Variants in VTI1A observed in about 807,000 individuals in gnomAD.
The protein encoded by VTI1A is vesicle transport through interaction with t-SNAREs homolog 1A.
VTI1A carries 22 observed loss-of-function variants against 34.9 expected under a neutral mutation model. The observed-to-expected ratio is 0.63, with a 90% confidence interval of 0.45 to 0.90. The LOEUF is 0.90. VTI1A is among the 40% of genes least tolerant of loss of function. VTI1A has a pLI of 0.00. For missense variants in VTI1A, 268 were observed against 275.6 expected (o/e 0.97, Z 0.20); for synonymous variants, 87 against 97.3 (o/e 0.89, Z 0.62).
At chr10:112,792,404 T>G (rs934989529) in intron 7 of VTI1A, among the ~76,000 whole-genome samples, 3 of 152,138 alleles carry the variant, frequency 2.0e-5, no homozygotes, top group African/African-American at 7.2e-5. Flanking sequence ...CAGAAAGTGC[T>G]CTGCCTGAGG....
At chr10:112,565,123 G>C (rs1461476798) in intron 5 of VTI1A, among the ~76,000 whole-genome samples, 1 of 152,114 alleles carries the variant, frequency 6.6e-6, no homozygotes, top group African/African-American at 2.4e-5. Context: ...AGCAGAACAG[G>C]CTTTATTTAG....
intron 5 of VTI1A, chr10:112,548,670 C>CT (rs1851228317): frequency 8.4e-7 from 1 of 1,190,674 alleles, no homozygotes. Flanking sequence ...GTGACTTTGC[C>CT]AGCTCCAGCA....
intron 3 of VTI1A, among the ~76,000 whole-genome samples, chr10:112,522,597 T>G: frequency 6.6e-6 from 1 of 152,124 alleles, no homozygotes. Context: ...ACAGATTGTC[T>G]TCAGCAGCCC....
At chr10:112,551,824 C>G (rs955609865) in intron 5 of VTI1A, among the ~76,000 whole-genome samples, 2 of 152,136 alleles carry the variant, frequency 1.3e-5, no homozygotes, top group African/African-American at 4.8e-5. Context: ...CAAAGCCAGG[C>G]TTTGGGGCAA....
At chr10:112,726,195 T>C (rs1850019821) in intron 7 of VTI1A, among the ~76,000 whole-genome samples, 1 of 152,120 alleles carries the variant, frequency 6.6e-6, no homozygotes, top group African/African-American at 2.4e-5. Flanking sequence ...CTCCCTGTGA[T>C]TCCACCTCCT....
chr10:112,736,813 G>A, intron 7 of VTI1A: 2 of 1,327,580 alleles, frequency 1.5e-6, no homozygotes, highest in Non-Finnish European at 2.1e-6. Context: ...AACACGTATT[G>A]TGCCTTCAAT....
At chr10:112,702,619 C>T (rs1849048618) in intron 7 of VTI1A, among the ~76,000 whole-genome samples, 1 of 152,220 alleles carries the variant, frequency 6.6e-6, no homozygotes, top group African/African-American at 2.4e-5. Context: ...CAGAGTCTCA[C>T]TCTGTCGCCC....
Position 112,627,065 on chromosome 10 carries a change from T to A in VTI1A, c.428-41153T>A, listed in dbSNP as rs538378266. 1.6e-3 allele frequency among the ~76,000 whole-genome samples: 244 copies of A among 152,362 alleles called. 1 individual carries two copies. The highest frequency in any genetic ancestry group is 5.6e-3 in the African/African-American group (231 of 41,590). On this transcript the variant is annotated intron_variant, in intron 5 of 7. Transcript: ENST00000393077. ...AGATAATTGATCCTCATTAAATATATGTTGATTCAGTCTTCCCTGTCTCAG... is the reference window on the plus strand; with the variant it reads ...AGATAATTGATCCTCATTAAATATAAGTTGATTCAGTCTTCCCTGTCTCAG...
intron 3 of VTI1A, among the ~76,000 whole-genome samples, chr10:112,470,493 G>A (rs1848039383): frequency 6.6e-6 from 1 of 152,198 alleles, no homozygotes; most frequent in South Asian, 2.1e-4. Context: ...AGGAAGGCAA[G>A]CAAAGGTTGT....
In VTI1A at chr10:112,531,849, G is replaced by A. The variant is rs78992494; in HGVS notation, c.342+4685G>A. On this transcript the variant is annotated intron_variant, in intron 4 of 7. Transcript: ENST00000393077. ...TCCCATGATGTTGGGATAGCAAAGA[G>A]AAAGATTCCGATATATGATAGGCCA... 1.8e-3 allele frequency among the ~76,000 whole-genome samples: 269 copies of A among 152,292 alleles called. 8 individuals are homozygous for A. The East Asian group carries it at 0.048, about 27-fold the overall frequency.
At chr10:112,654,478 CT>C (rs1847151753) in intron 5 of VTI1A, among the ~76,000 whole-genome samples, 1 of 151,976 alleles carries the variant, frequency 6.6e-6, no homozygotes. Context: ...GTCATCCATT[CT>C]TTTTCTTTTT....
chr10:112,538,766 T>C (rs1850750450), intron 5 of VTI1A: 1 of 153,160 alleles, frequency 6.5e-6, no homozygotes, highest in Non-Finnish European at 1.5e-5. Flanking sequence ...TTACTTTGCA[T>C]ATTTGTCCTG....
At chr10:112,615,831 A>T (rs1168409786) in intron 5 of VTI1A, among the ~76,000 whole-genome samples, 1 of 152,200 alleles carries the variant, frequency 6.6e-6, no homozygotes, top group African/African-American at 2.4e-5. Flanking sequence ...AGGCCCTAGG[A>T]CAGGAAGGAG....
At chr10:112,800,644 G>A (rs2134071692) in intron 7 of VTI1A, among the ~76,000 whole-genome samples, 1 of 152,318 alleles carries the variant, frequency 6.6e-6, no homozygotes, top group African/African-American at 2.4e-5. Flanking sequence ...TACCAATAGA[G>A]GGAAAGCAGA....
intron 5 of VTI1A, among the ~76,000 whole-genome samples, chr10:112,598,641 G>A (rs1589956289): frequency 6.6e-6 from 1 of 152,136 alleles, no homozygotes. Flanking sequence ...TGCTTTGATA[G>A]TTCATAATGT....
intron 4 of VTI1A, among the ~76,000 whole-genome samples, chr10:112,535,247 T>C (rs1850578784): frequency 6.6e-6 from 1 of 152,224 alleles, no homozygotes; most frequent in African/African-American, 2.4e-5. Context: ...CAGAATAATA[T>C]ACTCTGAAAT....
chr10:112,514,018 G>A (rs772258362), intron 3 of VTI1A, among the ~76,000 whole-genome samples: 12 of 151,812 alleles, frequency 7.9e-5, no homozygotes, highest in Non-Finnish European at 1.2e-4. Flanking sequence ...ATAATGCTAG[G>A]CTCATAAAAT....
At chr10:112,699,459 A>T (rs980756550) in intron 7 of VTI1A, among the ~76,000 whole-genome samples, 14 of 152,390 alleles carry the variant, frequency 9.2e-5, no homozygotes, top group South Asian at 4.1e-4. Context: ...TTAGAATTCA[A>T]TGGTGATATT....
At chr10:112,589,675 T>G (rs1040845409) in intron 5 of VTI1A, among the ~76,000 whole-genome samples, 9 of 152,334 alleles carry the variant, frequency 5.9e-5, no homozygotes, top group African/African-American at 2.2e-4. Flanking sequence ...GTATTAAGTC[T>G]TCTCTGCAAC....
Sources: allele counts gnomAD v4.1 joint callset (sites outside exome capture counted in the v4.1 genomes callset), GRCh38; gene constraint gnomAD v4.1.1; transcripts MANE v1.5; gene names NCBI Gene and HGNC (gene_info 2026-07-23, HGNC 2026-07-21).